Variants in ZSCAN20 observed in about 807,000 individuals in gnomAD.
The protein encoded by ZSCAN20 is zinc finger and SCAN domain containing 20, also known as zinc finger and SCAN domain-containing protein 20.
ZSCAN20 carries 39 observed loss-of-function variants against 97.1 expected under a neutral mutation model. That is an observed-to-expected ratio of 0.40 (90% CI 0.31 to 0.52). ZSCAN20 has a LOEUF of 0.52. Among genes scored for constraint, ZSCAN20 ranks in the 20% least tolerant of loss-of-function variants. The probability of loss-of-function intolerance (pLI) is 0.49; values close to 1 mark genes in which losing one functional copy is unlikely to be tolerated. For missense variants in ZSCAN20, 1,115 were observed against 1,290.4 expected (o/e 0.86, Z 2.08); for synonymous variants, 456 against 467.3 (o/e 0.98, Z 0.31).
chr1:33,490,707 A>C (rs1652569017), intron 5 of ZSCAN20, among the ~76,000 whole-genome samples: 1 of 150,826 alleles, frequency 6.6e-6, no homozygotes, highest in Admixed American at 6.6e-5. Flanking sequence ...TCCTCCAGCC[A>C]TGGAGTTCAG....
intron 2 of ZSCAN20, among the ~76,000 whole-genome samples, chr1:33,486,002 TTTC>T (rs1340823979): frequency 6.6e-6 from 1 of 152,194 alleles, no homozygotes; most frequent in African/African-American, 2.4e-5. Context: ...GCACTGGGTA[TTTC>T]TTATCTTGCA....
chr1:33,500,064 A>C lies in ZSCAN20; in HGVS notation c.*4588A>C, dbSNP rs915809651. On this transcript the variant is annotated 3_prime_UTR_variant, in exon 8 of 8. Coordinates refer to ENST00000684572, the MANE Select transcript of ZSCAN20 (RefSeq NM_001377376.1). The stretch of plus-strand genomic sequence containing the variant: ...GGAGGCCTGGGATGGTAGACACTGG[A>C]TCCTTTTCCCCCACAGCTCCTGGCT... Among the ~76,000 whole-genome samples, 1 of 152,144 alleles carries C rather than the reference A, an allele frequency of 6.6e-6. No individual in the cohort carries two copies. The highest frequency in any genetic ancestry group is 2.4e-5 in the African/African-American group (1 of 41,412).
chr1:33,479,792 TA>T, intron 2 of ZSCAN20, 87 bp downstream of exon 2: 1 of 1,317,208 alleles, frequency 7.6e-7, no homozygotes. Context: ...AAATTCACAA[TA>T]AAAATAACAA....
At chr1:33,476,831 G>A (rs1210028525) in intron 1 of ZSCAN20, among the ~76,000 whole-genome samples, 1 of 152,192 alleles carries the variant, frequency 6.6e-6, no homozygotes, top group Non-Finnish European at 1.5e-5. Flanking sequence ...AATGTAGGTA[G>A]ACAGAAATAG....
At position 33,497,863 on chromosome 1, in the gene ZSCAN20, G is replaced by A. The variant is rs1251271039; in HGVS notation, c.*2387G>A. On this transcript the variant is annotated 3_prime_UTR_variant, in exon 8 of 8. Coordinates refer to ENST00000684572, the MANE Select transcript of ZSCAN20 (RefSeq NM_001377376.1). ...AGGCTGATAGAGCAGGAGGGCAGAA[G>A]ATGAGAAGTTTAGTTTGGTATGTCT... Among the ~76,000 whole-genome samples the A allele has an allele frequency of 6.6e-6, 1 of 152,142 alleles. No homozygotes were observed. Among genetic ancestry groups the A allele is most frequent in the Non-Finnish European group, 1.5e-5 (1 of 68,024 alleles).
At chr1:33,484,809 A>G (rs1193719883) in intron 2 of ZSCAN20, among the ~76,000 whole-genome samples, 1 of 151,746 alleles carries the variant, frequency 6.6e-6, no homozygotes, top group East Asian at 1.9e-4. Flanking sequence ...TTTAGTGGAG[A>G]TGGGGTTTCA....
chr1:33,485,515 C>A (rs146902943), intron 2 of ZSCAN20, among the ~76,000 whole-genome samples: 1 of 86,552 alleles, frequency 1.2e-5, no homozygotes, highest in African/African-American at 4.8e-5. Flanking sequence ...ACTTAAGCAA[C>A]CCTCCTGCCT....
At chr1:33,487,503 C>CT (rs111342957) in intron 2 of ZSCAN20, among the ~76,000 whole-genome samples, 173 of 142,278 alleles carry the variant, frequency 1.2e-3, no homozygotes, top group South Asian at 3.4e-3. Context: ...CTCTGAGTAC[C>CT]TTTTTTTTTT....
At chr1:33,482,130 T>C (rs1652179260) in intron 2 of ZSCAN20, among the ~76,000 whole-genome samples, 1 of 152,210 alleles carries the variant, frequency 6.6e-6, no homozygotes, top group South Asian at 2.1e-4. Context: ...TTATAAACTG[T>C]ATCTACCATC....
Position 33,491,217 on chromosome 1 carries a change from A to C in ZSCAN20, c.959A>C (p.Lys320Thr). The change falls in exon 6 of 8, where the codon AAG (lysine) becomes ACG (threonine). Residue 320 changes from lysine to threonine, a missense_variant. By Grantham distance (78) the Lys-to-Thr change is moderately conservative. Transcript: ENST00000684572. The surrounding 1 kb of genome is among the most constrained non-coding windows in gnomAD (Gnocchi z 4.3). The stretch of plus-strand genomic sequence containing the variant: ...TACCAGTGGGATGTGGAGGACATGA[A>C]GGTGTCAGGTGTTCACTGGGGCTAT... ...EQYQWDVEDM[K>T]VSGVHWGYEE... The C allele has an allele frequency of 6.2e-7, 1 of 1,614,156 alleles. No individual in the cohort carries two copies. The highest frequency in any genetic ancestry group is 8.5e-7 in the Non-Finnish European group (1 of 1,180,040).
intron 2 of ZSCAN20, among the ~76,000 whole-genome samples, chr1:33,480,530 T>C (rs777638596): frequency 6.6e-6 from 1 of 152,158 alleles, no homozygotes; most frequent in Non-Finnish European, 1.5e-5. Flanking sequence ...AAATGAGATA[T>C]TAGTTGACAT....
Position 33,500,978 on chromosome 1 carries a change from T to TG in ZSCAN20, c.*5508dup, listed in dbSNP as rs1290147501. Among the ~76,000 whole-genome samples, 1 of 151,962 alleles carries TG rather than the reference T, an allele frequency of 6.6e-6. No homozygotes were observed. The highest frequency in any genetic ancestry group is 6.6e-5 in the Admixed American group (1 of 15,264). On this transcript the variant is annotated 3_prime_UTR_variant, in exon 8 of 8. Transcript: ENST00000684572. ...TAGAACACACTTGGCTTCAGTGCTT[T>TG]GGGGGGATTCGTGGACCACAGAGAA...
chr1:33,478,556 G>T (rs1313600940), intron 1 of ZSCAN20, among the ~76,000 whole-genome samples: 1 of 152,080 alleles, frequency 6.6e-6, no homozygotes, highest in Admixed American at 6.5e-5. Flanking sequence ...GGGGTCTGGA[G>T]GTCTGGAAAC....
At position 33,479,324 on chromosome 1, in the gene ZSCAN20, TC is replaced by T; in HGVS notation, c.38del (p.Pro13ArgfsTer9). On this transcript the variant is annotated frameshift_variant, in exon 2 of 8. Transcript: ENST00000684572. LOFTEE classifies it high-confidence loss of function. Reference protein sequence around the residue: ...MALELQAQASPQPEPEELLIV... With the variant: ...MALELQAQASXQPEPEELLIV... Reference sequence around the variant, plus strand: ...CCCTGGAATTGCAAGCCCAGGCATCTCCGCAGCCAGAGCCTGAAGAACTCCT... The same window carrying T: ...CCCTGGAATTGCAAGCCCAGGCATCTCGCAGCCAGAGCCTGAAGAACTCCT... 6.2e-7 allele frequency: 1 copy of T among 1,612,936 alleles called. No homozygotes were observed. Among genetic ancestry groups the T allele is most frequent in the Non-Finnish European group, 8.5e-7 (1 of 1,179,288 alleles).
chr1:33,489,540 A>C lies in ZSCAN20; in HGVS notation c.704A>C (p.His235Pro). The C allele has an allele frequency of 6.2e-7, 1 of 1,614,122 alleles. No individual in the cohort carries two copies. The highest frequency in any genetic ancestry group is 8.5e-7 in the Non-Finnish European group (1 of 1,180,010). The part of the protein sequence containing the change: ...ESQEALGPGK[H>P]AEKELCKDPP... Reference sequence around the variant, plus strand: ...CAGGAAGCCCTGGGCCCTGGCAAACATGCTGAGAAGGAGCTCTGTAAAGAC... The same window carrying C: ...CAGGAAGCCCTGGGCCCTGGCAAACCTGCTGAGAAGGAGCTCTGTAAAGAC... The change falls in exon 5 of 8, where the codon CAT becomes CCT. Residue 235 changes from histidine (H) to proline (P), a missense_variant. By Grantham distance (77) the His-to-Pro change is moderately conservative. Around this residue, in one of 3 missense-constraint regions of ZSCAN20, gnomAD observed 508 missense variants for 611.2 expected, o/e 0.83. Coordinates refer to ENST00000684572, the MANE Select transcript of ZSCAN20 (RefSeq NM_001377376.1).
Position 33,488,560 on chromosome 1 carries a change from A to G in ZSCAN20, c.513A>G (p.Gly171=). The G allele has an allele frequency of 6.2e-7, 1 of 1,613,774 alleles. No homozygotes were observed. The highest frequency in any genetic ancestry group is 8.5e-7 in the Non-Finnish European group (1 of 1,179,940). Residue 171 remains glycine (G), a synonymous_variant, in exon 3 of 8, where the codon GGA becomes GGG. Coordinates refer to ENST00000684572, the MANE Select transcript of ZSCAN20 (RefSeq NM_001377376.1). ...QLQPVDPWPE[G]QSQKKGVKNT... Reference sequence around the variant, plus strand: ...AGCCAGTGGATCCCTGGCCTGAGGGACAGTCCCAGAAGAAGGGGGTGAAGA... The same window carrying G: ...AGCCAGTGGATCCCTGGCCTGAGGGGCAGTCCCAGAAGAAGGGGGTGAAGA...
chr1:33,482,380 C>T (rs2148453978), intron 2 of ZSCAN20, among the ~76,000 whole-genome samples: 1 of 152,328 alleles, frequency 6.6e-6, no homozygotes, highest in South Asian at 2.1e-4. Flanking sequence ...AAGTTTCCTC[C>T]ACGTCTTTTC....
At chr1:33,483,789 T>C (rs1652245412) in intron 2 of ZSCAN20, among the ~76,000 whole-genome samples, 1 of 152,198 alleles carries the variant, frequency 6.6e-6, no homozygotes, top group African/African-American at 2.4e-5. Flanking sequence ...GTAGATCAAA[T>C]TGGGAAAAGC....
chr1:33,494,503 G>A lies in ZSCAN20; in HGVS notation c.2159G>A (p.Ser720Asn), dbSNP rs765489197. ...YKCDTCMKSF[S>N]RSSHFIAHQR... is the part of the protein sequence containing the mutation. ...TGTGACACATGCATGAAGAGCTTCA[G>A]TCGGAGCTCCCACTTCATTGCCCAT... The change falls in exon 8 of 8, where the codon AGT becomes AAT. Residue 720 changes from serine to asparagine, a missense_variant. This residue lies in a region of ZSCAN20 where 554 missense variants were observed against 584.9 expected (regional missense o/e 0.95). Coordinates refer to ENST00000684572, the MANE Select transcript of ZSCAN20 (RefSeq NM_001377376.1). The A allele has an allele frequency of 1.2e-6, 2 of 1,614,246 alleles. No homozygotes were observed. Among genetic ancestry groups the A allele is most frequent in the South Asian group, 1.1e-5 (1 of 91,084 alleles).
Sources: allele counts gnomAD v4.1 joint callset (sites outside exome capture counted in the v4.1 genomes callset), GRCh38; gene constraint gnomAD v4.1.1; regional missense constraint gnomAD v4.1.1; non-coding constraint Gnocchi (gnomAD v3.1); transcripts MANE v1.5; gene names NCBI Gene and HGNC (gene_info 2026-07-23, HGNC 2026-07-21).